SEMA5B: variants seen among roughly 807,000 people sequenced by gnomAD.
SEMA5B encodes semaphorin 5B.
SEMA5B carries 66 observed loss-of-function variants against 135.0 expected under a neutral mutation model. The observed-to-expected ratio is 0.49, with a 90% CI of 0.40 to 0.60. The LOEUF (loss-of-function observed/expected upper bound fraction) is 0.60. Among genes scored for constraint, SEMA5B ranks in the 20% least tolerant of loss-of-function variants. The pLI, the probability that SEMA5B is intolerant of heterozygous loss-of-function variation, is 0.00. For synonymous variants in SEMA5B, 690 were observed against 639.5 expected (o/e 1.08, Z -1.19); for missense variants, 1,501 against 1,566.3 (o/e 0.96, Z 0.70).
chr3:122,969,551 C>G (rs2107639285), intron 1 of SEMA5B, among the ~76,000 whole-genome samples: 1 of 152,330 alleles, frequency 6.6e-6, no homozygotes, highest in East Asian at 1.9e-4. Flanking sequence ...GATCGTAATT[C>G]TCTATTCCAG....
chr3:122,955,319 A>T (rs1308812134), intron 2 of SEMA5B, among the ~76,000 whole-genome samples: 1 of 152,220 alleles, frequency 6.6e-6, no homozygotes, highest in Admixed American at 6.5e-5. Flanking sequence ...GCTGTTGTGG[A>T]GATGAAATAA....
intron 12 of SEMA5B, among the ~76,000 whole-genome samples, chr3:122,918,202 A>G (rs1374363478): frequency 6.6e-6 from 1 of 152,250 alleles, no homozygotes; most frequent in Non-Finnish European, 1.5e-5. Flanking sequence ...AATGGGTAAG[A>G]GCAGAAAACC....
chr3:122,909,434 C>T lies in SEMA5B; in HGVS notation c.*709G>A. 1 of 152,812 alleles carries T rather than the reference C, an allele frequency of 6.5e-6. No homozygotes were observed. Among genetic ancestry groups the T allele is most frequent in the East Asian group, 1.9e-4 (1 of 5,198 alleles). The allele number at this position is 152,812 out of a possible 1,614,324, so 9.5% of individuals were successfully genotyped here. On this transcript the variant is annotated 3_prime_UTR_variant, in exon 23 of 23. Coordinates refer to ENST00000357599, the MANE Select transcript of SEMA5B (RefSeq NM_001031702.4). ...CTGCCTCCTATGGCATTGATCCTCT[C>T]TCCTGGGCCACCTTTCGTGCATTGA...
At chr3:122,986,925 T>C (rs1438545199) in intron 1 of SEMA5B, among the ~76,000 whole-genome samples, 2 of 152,128 alleles carry the variant, frequency 1.3e-5, no homozygotes, top group African/African-American at 4.8e-5. Context: ...CTAGCAGGCC[T>C]TGGGGAGCTT....
intron 12 of SEMA5B, among the ~76,000 whole-genome samples, chr3:122,917,383 A>G (rs1938124199): frequency 6.6e-6 from 1 of 152,252 alleles, no homozygotes; most frequent in Non-Finnish European, 1.5e-5. Flanking sequence ...CCCATTGGAC[A>G]AAGGGGCCAA....
At chr3:123,023,385 T>C (rs768487071) in intron 1 of SEMA5B, among the ~76,000 whole-genome samples, 4 of 150,272 alleles carry the variant, frequency 2.7e-5, no homozygotes, top group African/African-American at 4.9e-5. Flanking sequence ...GTGATCAAGG[T>C]GACTGAATGA....
chr3:122,937,475 C>T (rs139985347), intron 5 of SEMA5B, among the ~76,000 whole-genome samples: 11 of 152,320 alleles, frequency 7.2e-5, no homozygotes, highest in Middle Eastern at 3.4e-3. Flanking sequence ...AGAGTGGGAA[C>T]GTGGACATAA....
At chr3:122,968,966 G>T (rs886934938) in intron 1 of SEMA5B, among the ~76,000 whole-genome samples, 11 of 152,142 alleles carry the variant, frequency 7.2e-5, no homozygotes, top group African/African-American at 2.7e-4. Flanking sequence ...TCTCACCAAT[G>T]ATCCCCAACT....
intron 1 of SEMA5B, among the ~76,000 whole-genome samples, chr3:122,963,738 A>G (rs1481376465): frequency 5.9e-5 from 9 of 152,188 alleles, no homozygotes; most frequent in Admixed American, 3.9e-4. Flanking sequence ...TGGAAATATC[A>G]CTTGGGCATT....
chr3:123,028,175 T>C (rs539592781), upstream of SEMA5B, among the ~76,000 whole-genome samples: 1 of 151,388 alleles, frequency 6.6e-6, no homozygotes, highest in South Asian at 2.1e-4. Flanking sequence ...CTGAGGAAGC[T>C]CCCCCAAACC....
chr3:122,922,232 C>T lies in SEMA5B; in HGVS notation c.1480+8G>A, dbSNP rs1249899292. On this transcript the variant is annotated splice_region_variant and intron_variant, in intron 11 of 22. Transcript: ENST00000357599. ...ACCTGCAGTCCAGGTTGGACCGGGC[C>T]GGCTCACCGGTGCCAATGTAGAGTA... The T allele has an allele frequency of 4.4e-6, 7 of 1,606,404 alleles. No individual in the cohort carries two copies. The African/African-American group carries it at 9.4e-5, about 21-fold the overall frequency.
intron 12 of SEMA5B, among the ~76,000 whole-genome samples, chr3:122,916,416 A>C (rs1431734744): frequency 6.6e-6 from 1 of 152,128 alleles, no homozygotes; most frequent in African/African-American, 2.4e-5. Flanking sequence ...ACATACCAAT[A>C]CCCGAGCCCA....
At chr3:122,983,283 A>AT (rs11391430) in intron 1 of SEMA5B, among the ~76,000 whole-genome samples, 1,854 of 151,524 alleles carry the variant, frequency 0.012, 37 homozygotes, top group African/African-American at 0.041. Context: ...GTTTTGTTTC[A>AT]TTTTTTTTCT....
chr3:122,925,564 A>G (rs1331982137), intron 9 of SEMA5B, among the ~76,000 whole-genome samples: 2 of 152,058 alleles, frequency 1.3e-5, no homozygotes, highest in African/African-American at 4.8e-5. Flanking sequence ...GCTACTCTGG[A>G]GGCTGAGAGT....
At chr3:122,949,803 G>A (rs1465452018) in intron 2 of SEMA5B, among the ~76,000 whole-genome samples, 1 of 151,856 alleles carries the variant, frequency 6.6e-6, no homozygotes, top group Non-Finnish European at 1.5e-5. Context: ...GTGGCCCCCC[G>A]ACCCAGGAAC....
At chr3:122,985,375 GC>G (rs1941667137) in intron 1 of SEMA5B, among the ~76,000 whole-genome samples, 1 of 152,050 alleles carries the variant, frequency 6.6e-6, no homozygotes, top group Non-Finnish European at 1.5e-5. Context: ...GGTTGCACTT[GC>G]CTGTAGTTCT....
chr3:122,987,351 C>T (rs1373035263), intron 1 of SEMA5B, among the ~76,000 whole-genome samples: 1 of 152,172 alleles, frequency 6.6e-6, no homozygotes, highest in Non-Finnish European at 1.5e-5. Flanking sequence ...CAGCCAGTGG[C>T]GGGCCTTTTA....
chr3:122,939,833 T>G (rs1939474743), intron 4 of SEMA5B, among the ~76,000 whole-genome samples: 1 of 152,200 alleles, frequency 6.6e-6, no homozygotes, highest in African/African-American at 2.4e-5. Flanking sequence ...TTTCCAACCA[T>G]GGAGGCTGTT....
chr3:123,026,928 T>C (rs1942814449), intron 1 of SEMA5B, among the ~76,000 whole-genome samples: 1 of 152,126 alleles, frequency 6.6e-6, no homozygotes, highest in Non-Finnish European at 1.5e-5. Context: ...GAGGCGGGTC[T>C]GGGAAGAATC....
Sources: allele counts gnomAD v4.1 joint callset (sites outside exome capture counted in the v4.1 genomes callset), GRCh38; gene constraint gnomAD v4.1.1; transcripts MANE v1.5; gene names NCBI Gene and HGNC (gene_info 2026-07-23, HGNC 2026-07-21).